Variants in EIF4G3 observed in about 807,000 individuals in gnomAD.
EIF4G3 encodes the protein eIF-4-gamma 3.
A neutral mutation model predicts 186.4 loss-of-function variants in EIF4G3; 34 were observed. The ratio of observed to expected loss-of-function variants is 0.18; its 90% CI spans 0.14 to 0.24. The LOEUF (loss-of-function observed/expected upper bound fraction) is 0.24. Ranked by LOEUF, EIF4G3 falls within the 10% of genes least tolerant of loss-of-function variation. The pLI, the probability that EIF4G3 is intolerant of heterozygous loss-of-function variation, is 1.00. For missense variants in EIF4G3, 1,536 were observed against 1,948.5 expected (o/e 0.79, Z 3.99); for synonymous variants, 673 against 679.5 (o/e 0.99, Z 0.15).
chr1:21,089,726 G>A (rs2096119436), intron 2 of EIF4G3, among the ~76,000 whole-genome samples: 1 of 149,060 alleles, frequency 6.7e-6, no homozygotes, highest in African/African-American at 2.5e-5. Context: ...TTAACAAGTT[G>A]CAATTAGCAA....
intron 12 of EIF4G3, among the ~76,000 whole-genome samples, chr1:20,968,831 G>A (rs1183684145): frequency 6.6e-6 from 1 of 152,140 alleles, no homozygotes; most frequent in African/African-American, 2.4e-5. Context: ...GATGTGCACT[G>A]TTTATATGCA....
At chr1:21,086,199 C>CCTT (rs761955446) in intron 3 of EIF4G3, among the ~76,000 whole-genome samples, 3 of 95,222 alleles carry the variant, frequency 3.2e-5, no homozygotes, top group Admixed American at 2.9e-4. Flanking sequence ...ACATGATACT[C>CCTT]TTTTTTTTTT....
chr1:21,053,414 G>C (rs2094378049), intron 3 of EIF4G3, among the ~76,000 whole-genome samples: 1 of 151,096 alleles, frequency 6.6e-6, no homozygotes, highest in African/African-American at 2.4e-5. Context: ...CTGGAAGGGA[G>C]GTGGGGGGGT....
chr1:21,172,126 A>C (rs935375837), intron 2 of EIF4G3, among the ~76,000 whole-genome samples: 2 of 151,818 alleles, frequency 1.3e-5, no homozygotes, highest in Non-Finnish European at 2.9e-5. Context: ...AGCAAAAAAA[A>C]AAAAAAAAAA....
At chr1:20,943,967 ATTTTTTTTGTGTGT>A (rs1449852484) in intron 13 of EIF4G3, among the ~76,000 whole-genome samples, 20 of 65,314 alleles carry the variant, frequency 3.1e-4, no homozygotes, top group East Asian at 1.1e-3. Flanking sequence ...ACTTGTCTTT[ATTTTTTTTGTGTGT>A]GTGTGTGTGT....
chr1:20,855,144 T>A, intron 25 of EIF4G3, 73 bp from the exon 26 acceptor site: 2 of 1,257,578 alleles, frequency 1.6e-6, no homozygotes, highest in Non-Finnish European at 2.2e-6. Context: ...ATTTTTTTCT[T>A]CTTCAGTGAA....
chr1:20,844,705 G>A (rs35464612), intron 29 of EIF4G3, among the ~76,000 whole-genome samples: 4,256 of 151,942 alleles, frequency 0.028, 90 homozygotes, highest in Middle Eastern at 0.051. Flanking sequence ...AGTGGCGGGC[G>A]CCTGTAATCC....
chr1:20,874,745 A>G (rs1041320125), intron 20 of EIF4G3, among the ~76,000 whole-genome samples: 4 of 152,022 alleles, frequency 2.6e-5, no homozygotes, highest in Non-Finnish European at 4.4e-5. Flanking sequence ...TTTATCCTTC[A>G]TGTTTTGAAT....
chr1:20,809,424 C>A (rs2058787785), intron 36 of EIF4G3, among the ~76,000 whole-genome samples: 1 of 152,150 alleles, frequency 6.6e-6, no homozygotes, highest in Non-Finnish European at 1.5e-5. Flanking sequence ...TACCAAAGAA[C>A]TACTTGAGTG....
In EIF4G3 at chr1:20,989,557, CAAAAAAAAAAAA is replaced by C. The variant is rs71014142; in HGVS notation, c.178-7161_178-7150del. Among the ~76,000 whole-genome samples, 11 of 34,702 alleles carry C rather than the reference CAAAAAAAAAAAA, an allele frequency of 3.2e-4. No homozygotes were observed. In the South Asian group the frequency reaches 6.4e-3, roughly 20 times the overall value. 22.8% of individuals were successfully genotyped at this position (34,702 alleles called of 152,430 possible). A position where few individuals can be genotyped will look rare whatever the true frequency, so the allele number is the denominator to read the frequency against. On this transcript the variant is annotated intron_variant, in intron 7 of 36. Coordinates refer to ENST00000602326, the MANE Select transcript of EIF4G3 (RefSeq NM_001391906.1). ...GGATAACAAGAGCAAAACTCCAACT[CAAAAAAAAAAAA>C]AAAAAAAAAAAAAAGTAGAGCCTGA...
chr1:21,092,548 C>T lies in EIF4G3; in HGVS notation c.-271-3335G>A, dbSNP rs543970459. Among the ~76,000 whole-genome samples the T allele has an allele frequency of 2.8e-4, 42 of 152,166 alleles. No homozygotes were observed. In the South Asian group the frequency reaches 8.7e-3, roughly 32 times the overall value. On this transcript the variant is annotated intron_variant, in intron 2 of 36. Transcript: ENST00000602326. Reference sequence around the variant, plus strand: ...CCCAAGGTAATTTATAGATTCATTGCCATCCCCATCAGGCTACCAATAACT... The same window carrying T: ...CCCAAGGTAATTTATAGATTCATTGTCATCCCCATCAGGCTACCAATAACT...
chr1:20,830,689 T>C (rs563854311), intron 30 of EIF4G3, among the ~76,000 whole-genome samples: 14 of 152,322 alleles, frequency 9.2e-5, no homozygotes, highest in Non-Finnish European at 2.1e-4. Flanking sequence ...TTTTATCTCA[T>C]TACAAATAAA....
intron 2 of EIF4G3, among the ~76,000 whole-genome samples, chr1:21,163,413 T>C (rs2102979799): frequency 6.6e-6 from 1 of 152,332 alleles, no homozygotes; most frequent in Admixed American, 6.5e-5. Flanking sequence ...TACATTAGCC[T>C]CAAAGATTCA....
intron 20 of EIF4G3, among the ~76,000 whole-genome samples, chr1:20,865,864 T>C (rs2077447559): frequency 6.6e-6 from 1 of 152,058 alleles, no homozygotes; most frequent in Admixed American, 6.6e-5. Flanking sequence ...TCTCCAAAAG[T>C]TTGGAAGCAA....
chr1:20,883,370 G>A (rs932024244), intron 19 of EIF4G3, among the ~76,000 whole-genome samples: 8 of 152,144 alleles, frequency 5.3e-5, no homozygotes, highest in African/African-American at 1.7e-4. Flanking sequence ...TGTAATCCCC[G>A]CACTTTGGGA....
chr1:21,023,638 C>T (rs970188339), intron 4 of EIF4G3, among the ~76,000 whole-genome samples: 6 of 152,040 alleles, frequency 3.9e-5, no homozygotes, highest in Admixed American at 3.3e-4. Flanking sequence ...TCTGCCTTGG[C>T]CTCCCAAAGT....
intron 22 of EIF4G3, among the ~76,000 whole-genome samples, chr1:20,864,213 CAGA>C (rs1287700771): frequency 1.3e-5 from 2 of 152,118 alleles, no homozygotes; most frequent in Non-Finnish European, 2.9e-5. Context: ...GAAATGGTTA[CAGA>C]AGAAGAAAAA....
At chr1:21,024,443 T>C (rs1224303046) in intron 4 of EIF4G3, among the ~76,000 whole-genome samples, 1 of 150,976 alleles carries the variant, frequency 6.6e-6, no homozygotes. Flanking sequence ...CTTTGTGGAA[T>C]AGAAAGGGGG....
At chr1:21,020,508 A>G (rs574760080) in intron 4 of EIF4G3, among the ~76,000 whole-genome samples, 24 of 151,546 alleles carry the variant, frequency 1.6e-4, no homozygotes, top group East Asian at 5.8e-4. Context: ...ATAAATAAAT[A>G]AATGAATAAA....
Sources: allele counts gnomAD v4.1 joint callset (sites outside exome capture counted in the v4.1 genomes callset), GRCh38; gene constraint gnomAD v4.1.1; transcripts MANE v1.5; gene names NCBI Gene and HGNC (gene_info 2026-07-23, HGNC 2026-07-21).